The following NRXN1 variants were observed in gnomAD, a reference collection of about 807,000 sequenced individuals.
NRXN1 encodes neurexin-1.
NRXN1 carries 39 observed loss-of-function variants against 150.9 expected under a neutral mutation model. The ratio of observed to expected loss-of-function variants is 0.26; its 90% CI spans 0.20 to 0.34. The LOEUF (loss-of-function observed/expected upper bound fraction) is 0.34, where lower values mean the gene tolerates loss of function less well. NRXN1 is among the 10% of genes least tolerant of loss of function. The probability of loss-of-function intolerance (pLI) is 1.00; values close to 1 mark genes in which losing one functional copy is unlikely to be tolerated. For synonymous variants in NRXN1, 924 were observed against 757.0 expected (o/e 1.22, Z -3.62); for missense variants, 1,815 against 1,949.9 (o/e 0.93, Z 1.30).
intron 18 of NRXN1, among the ~76,000 whole-genome samples, chr2:50,100,688 C>T (rs751467041): frequency 3.3e-5 from 5 of 152,120 alleles, no homozygotes; most frequent in East Asian, 1.9e-4. Context: ...GCAGATATCA[C>T]GATAGCTGTA....
intron 21 of NRXN1, among the ~76,000 whole-genome samples, chr2:49,963,791 C>T (rs959343810): frequency 6.6e-6 from 1 of 152,098 alleles, no homozygotes; most frequent in Non-Finnish European, 1.5e-5. Context: ...AATTAAATGA[C>T]GAATCTCTTT....
intron 22 of NRXN1, among the ~76,000 whole-genome samples, chr2:49,934,061 G>A (rs2104246424): frequency 6.6e-6 from 1 of 152,204 alleles, no homozygotes; most frequent in Middle Eastern, 3.4e-3. Flanking sequence ...ATGGATCAGT[G>A]CTCTCTGGCT....
chr2:50,730,571 A>G (rs997921311), intron 5 of NRXN1, among the ~76,000 whole-genome samples: 2 of 151,732 alleles, frequency 1.3e-5, no homozygotes, highest in African/African-American at 4.8e-5. Context: ...CATCTCTCAG[A>G]TGCTATGTAA....
intron 17 of NRXN1, among the ~76,000 whole-genome samples, chr2:50,339,412 T>C (rs2077402988): frequency 6.6e-6 from 1 of 152,296 alleles, no homozygotes; most frequent in East Asian, 1.9e-4. Context: ...TTCTATATTC[T>C]GAATTTCACA....
rs1678254895 is a variant in NRXN1 at position 50,874,403 on chromosome 2, C to CT, written c.832+47465dup. On this transcript the variant is annotated intron_variant, in intron 5 of 22. Coordinates refer to ENST00000401669, the MANE Select transcript of NRXN1 (RefSeq NM_001330078.2). ...TTTTAAAATGGGCATTTTTCCATCT[C>CT]TTTTTTTTATAGATGAAAAACCTGA... 3.3e-5 allele frequency among the ~76,000 whole-genome samples: 5 copies of CT among 151,432 alleles called. No homozygotes were observed. The South Asian group carries it at 8.3e-4, about 25-fold the overall frequency.
At chr2:50,529,574 C>G (rs1185427034) in intron 11 of NRXN1, among the ~76,000 whole-genome samples, 1 of 152,028 alleles carries the variant, frequency 6.6e-6, no homozygotes, top group Non-Finnish European at 1.5e-5. Flanking sequence ...CTTTGGAGAA[C>G]ATAAAAAAAT....
rs577486828 is a variant in NRXN1, at chr2:50,822,324, C to A, written c.832+99545G>T. ...CAAGATACGTTTCAAAGTAAGAAGT[C>A]ATGCTTTTATTAAAGAGAAAATGGA... On this transcript the variant is annotated intron_variant, in intron 5 of 22. Coordinates refer to ENST00000401669, the MANE Select transcript of NRXN1 (RefSeq NM_001330078.2). Among the ~76,000 whole-genome samples, 4 of 152,180 alleles carry A rather than the reference C, an allele frequency of 2.6e-5. No individual in the cohort carries two copies. The East Asian group carries it at 5.8e-4, about 22-fold the overall frequency.
intron 17 of NRXN1, among the ~76,000 whole-genome samples, chr2:50,442,895 T>C (rs1469761743): frequency 6.6e-6 from 1 of 152,146 alleles, no homozygotes; most frequent in African/African-American, 2.4e-5. Flanking sequence ...TTGAGTAGGA[T>C]GATTAGATAA....
At chr2:50,381,821 T>C (rs1263012109) in intron 17 of NRXN1, among the ~76,000 whole-genome samples, 2 of 152,138 alleles carry the variant, frequency 1.3e-5, no homozygotes, top group Non-Finnish European at 2.9e-5. Context: ...GCAAATATGC[T>C]TCAGTGTAAG....
rs1428574191 is a variant in NRXN1, at chr2:50,381,786, C to G, written c.3364+83656G>C. 2.0e-5 allele frequency among the ~76,000 whole-genome samples: 3 copies of G among 152,094 alleles called. 1 individual carries two copies. The East Asian group carries it at 5.8e-4, about 29-fold the overall frequency. ...GTGCTTAAACTAATTGTAGAACCAGCCTTCTTGGCCTTATCAATCAACTAG... is the reference window on the plus strand; with the variant it reads ...GTGCTTAAACTAATTGTAGAACCAGGCTTCTTGGCCTTATCAATCAACTAG... On this transcript the variant is annotated intron_variant, in intron 17 of 22. Coordinates refer to ENST00000401669, the MANE Select transcript of NRXN1 (RefSeq NM_001330078.2).
intron 18 of NRXN1, among the ~76,000 whole-genome samples, chr2:50,181,880 A>T (rs1365138971): frequency 6.6e-6 from 1 of 152,090 alleles, no homozygotes; most frequent in African/African-American, 2.4e-5. Context: ...TTTTGTGACT[A>T]CTGCAAAGGT....
Position 49,943,715 on chromosome 2 carries a change from G to A in NRXN1, c.4205C>T (p.Ser1402Leu), listed in dbSNP as rs1348653059. ...AAAAGTTGACTAACCTAACCCACCTGAGCTCGGCTCACAGGGGTCAATGTC... is the reference window on the plus strand; with the variant it reads ...AAAAGTTGACTAACCTAACCCACCTAAGCTCGGCTCACAGGGGTCAATGTC... ...DEDIDPCEPS[S>L]GGLANPTRAG... The change falls in exon 22 of 23, where the codon TCA becomes TTA. Residue 1402 changes from serine to leucine, a missense_variant. Coordinates refer to ENST00000401669, the MANE Select transcript of NRXN1 (RefSeq NM_001330078.2). 1 of 1,611,376 alleles carries A rather than the reference G, an allele frequency of 6.2e-7. No homozygotes were observed.
intron 5 of NRXN1, among the ~76,000 whole-genome samples, chr2:50,683,646 A>AATATATATATATATATATATATAT (rs71225142): frequency 4.0e-4 from 6 of 14,862 alleles, no homozygotes; most frequent in Non-Finnish European, 6.5e-4. Context: ...AAAAAAAAAA[A>AATATATATATATATATATATATAT]ATATATATAT....
intron 17 of NRXN1, among the ~76,000 whole-genome samples, chr2:50,327,236 C>A (rs2076444530): frequency 1.3e-5 from 2 of 152,126 alleles, no homozygotes; most frequent in African/African-American, 4.8e-5. Flanking sequence ...ATGATACATA[C>A]AACATGGATA....
At chr2:50,037,162 A>T (rs960585315) in intron 21 of NRXN1, among the ~76,000 whole-genome samples, 2 of 152,208 alleles carry the variant, frequency 1.3e-5, no homozygotes, top group Non-Finnish European at 2.9e-5. Context: ...TAGATGAAAT[A>T]GGTAATGATA....
rs189219151 is a variant in NRXN1 at position 50,574,621 on chromosome 2, G to C, written c.1321-21596C>G. On this transcript the variant is annotated intron_variant, in intron 8 of 22. Coordinates refer to ENST00000401669, the MANE Select transcript of NRXN1 (RefSeq NM_001330078.2). ...GTCTACCTAGGAGAGAAATCCAAAT[G>C]TTAACTTCACCCAAGATCACTCTGA... Among the ~76,000 whole-genome samples the C allele has an allele frequency of 2.6e-5, 4 of 152,256 alleles. No homozygotes were observed. In the East Asian group the frequency reaches 7.7e-4, roughly 29 times the overall value.
intron 5 of NRXN1, among the ~76,000 whole-genome samples, chr2:50,860,448 T>C (rs1675965039): frequency 6.6e-6 from 1 of 151,994 alleles, no homozygotes; most frequent in South Asian, 2.1e-4. Context: ...CCTGCAGAGG[T>C]CCTGACATGT....
chr2:50,241,993 C>G (rs1172873024), intron 17 of NRXN1, among the ~76,000 whole-genome samples: 1 of 151,808 alleles, frequency 6.6e-6, no homozygotes, highest in African/African-American at 2.4e-5. Flanking sequence ...AGATTAGCTT[C>G]TAACTCATAA....
intron 2 of NRXN1, among the ~76,000 whole-genome samples, chr2:50,926,654 T>A (rs1353486661): frequency 6.6e-6 from 1 of 151,962 alleles, no homozygotes; most frequent in Non-Finnish European, 1.5e-5. Flanking sequence ...GAACTGTCCA[T>A]AAGGCAATTT....
Sources: gnomAD v4.1 joint callset for allele counts (sites outside exome capture counted in the v4.1 genomes callset) on GRCh38, gnomAD v4.1.1 for gene constraint, MANE v1.5 for transcripts, NCBI Gene and HGNC (gene_info 2026-07-23, HGNC 2026-07-21) for gene names.